BPNT1: variants seen among roughly 807,000 people sequenced by gnomAD.
The protein encoded by BPNT1 is 3'(2'), 5'-bisphosphate nucleotidase 1.
Under a neutral mutation model 36.9 loss-of-function variants are expected in BPNT1, and 28 were observed. The ratio of observed to expected loss-of-function variants is 0.76; its 90% CI spans 0.56 to 1.04. BPNT1 has a LOEUF of 1.04. Among genes scored for constraint, BPNT1 ranks in the 50% least tolerant of loss-of-function variants. BPNT1 has a pLI of 0.00. For missense variants in BPNT1, 313 were observed against 372.9 expected, an observed-to-expected ratio of 0.84 and a Z score of 1.32; for synonymous variants, 119 against 130.9, an observed-to-expected ratio of 0.91 and a Z score of 0.62.
rs558778433 is a variant in BPNT1, at chr1:220,086,512, G to A, written c.-9+3174C>T. Among the ~76,000 whole-genome samples the A allele has an allele frequency of 3.3e-5, 5 of 151,676 alleles. No homozygotes were observed. The East Asian group carries it at 7.8e-4, about 24-fold the overall frequency. ...TGGTCTCGAACACCTGACCTCAAGT[G>A]ATCCACCCTCCTCGGCCTCCCAAGG... On this transcript the variant is annotated intron_variant, in intron 1 of 8. Coordinates refer to ENST00000322067, the MANE Select transcript of BPNT1 (RefSeq NM_006085.6).
At chr1:220,076,094 C>T (rs573675196) in intron 2 of BPNT1, among the ~76,000 whole-genome samples, 5 of 152,198 alleles carry the variant, frequency 3.3e-5, no homozygotes, top group South Asian at 4.1e-4. Context: ...AGGGGCTGGG[C>T]GCAGTGGCTC....
intron 8 of BPNT1, 45 bp downstream of exon 8, chr1:220,059,641 T>C (rs932908613): frequency 7.3e-7 from 1 of 1,361,264 alleles, no homozygotes; most frequent in East Asian, 2.3e-5. Context: ...TAGCATGATA[T>C]AATTGTAGAA....
At chr1:220,067,237 A>G in intron 6 of BPNT1, 65 bp downstream of exon 6, 3 of 1,035,804 alleles carry the variant, frequency 2.9e-6, no homozygotes, top group Non-Finnish European at 4.0e-6. Flanking sequence ...TAGGTAACAT[A>G]AAGAATCAGA....
intron 4 of BPNT1, among the ~76,000 whole-genome samples, chr1:220,071,875 C>T (rs573528201): frequency 1.1e-4 from 16 of 151,442 alleles, no homozygotes; most frequent in Admixed American, 6.6e-4. Flanking sequence ...TTAGAAGAGA[C>T]GGGGATTCTC....
chr1:220,089,635 C>A (rs1167645045), intron 1 of BPNT1, 51 bp downstream of exon 1: 1 of 152,194 alleles, frequency 6.6e-6, no homozygotes. Flanking sequence ...TAACATAAAT[C>A]CTATCTACCT....
chr1:220,082,079 TATATATAGAGAGAGAGAG>T (rs1655190416), intron 1 of BPNT1, among the ~76,000 whole-genome samples: 1 of 110,542 alleles, frequency 9.0e-6, no homozygotes, highest in Admixed American at 9.8e-5. Context: ...TATATATATA[TATATATAGAGAGAGAGAG>T]AGAGAGAGAG....
chr1:220,059,685 C>G lies in BPNT1; in HGVS notation c.778+1G>C, dbSNP rs1377624258. ...AATTTCCTCAAATAAAACAGACTAACCTCCCACAGCATGTAAAATAACTTC... is the reference window on the plus strand; with the variant it reads ...AATTTCCTCAAATAAAACAGACTAAGCTCCCACAGCATGTAAAATAACTTC... On this transcript the variant is annotated splice_donor_variant, in intron 8 of 8. Transcript: ENST00000322067. LOFTEE classifies it high-confidence loss of function. The G allele has an allele frequency of 6.3e-7, 1 of 1,596,654 alleles. No individual in the cohort carries two copies. Among genetic ancestry groups the G allele is most frequent in the East Asian group, 2.2e-5 (1 of 44,504 alleles).
chr1:220,075,122 C>A (rs1251270727), intron 2 of BPNT1, among the ~76,000 whole-genome samples: 2 of 152,196 alleles, frequency 1.3e-5, no homozygotes, highest in Non-Finnish European at 2.9e-5. Flanking sequence ...CAGCTCACTG[C>A]AACCTTTGCC....
chr1:220,085,388 G>T (rs1039541844), intron 1 of BPNT1, among the ~76,000 whole-genome samples: 1 of 152,226 alleles, frequency 6.6e-6, no homozygotes, highest in African/African-American at 2.4e-5. Context: ...AGGCTCTGCA[G>T]CCCACTACCT....
chr1:220,069,660 A>G (rs1612813), intron 4 of BPNT1, among the ~76,000 whole-genome samples: 152,337 of 152,338 alleles, frequency 1, 76,168 homozygotes, highest in Middle Eastern at 1. Context: ...TTTCAGGCCA[A>G]GCACGGTGGC....
intron 2 of BPNT1, among the ~76,000 whole-genome samples, chr1:220,077,295 T>A (rs1272048864): frequency 6.6e-6 from 1 of 152,206 alleles, no homozygotes; most frequent in African/African-American, 2.4e-5. Context: ...AAAAATGTTT[T>A]GCTTAAATCA....
chr1:220,080,947 C>G (rs1193681588), intron 1 of BPNT1, among the ~76,000 whole-genome samples: 2 of 152,184 alleles, frequency 1.3e-5, no homozygotes, highest in Admixed American at 1.3e-4. Context: ...GAAAAAACAG[C>G]CTTTAGAATC....
chr1:220,072,079 G>C (rs1222122939), intron 4 of BPNT1, among the ~76,000 whole-genome samples: 2 of 151,410 alleles, frequency 1.3e-5, no homozygotes, highest in Non-Finnish European at 2.9e-5. Flanking sequence ...AGATGGTGCT[G>C]GGGCCAGGTA....
intron 1 of BPNT1, among the ~76,000 whole-genome samples, chr1:220,086,198 C>T (rs1655703422): frequency 6.6e-6 from 1 of 152,146 alleles, no homozygotes; most frequent in South Asian, 2.1e-4. Context: ...ACCGAACACA[C>T]TAAAGGTAGT....
At chr1:220,076,273 G>A (rs1174933722) in intron 2 of BPNT1, among the ~76,000 whole-genome samples, 7 of 151,838 alleles carry the variant, frequency 4.6e-5, no homozygotes, top group South Asian at 2.1e-4. Context: ...AGGCTGAGGT[G>A]GGCGGATGCC....
intron 5 of BPNT1, among the ~76,000 whole-genome samples, chr1:220,067,970 C>T (rs543555879): frequency 3.6e-4 from 55 of 152,148 alleles, no homozygotes; most frequent in Admixed American, 1.9e-3. Flanking sequence ...CCTTATTTCA[C>T]AATGGGTTCT....
chr1:220,062,496 G>A (rs1459393840), intron 7 of BPNT1, among the ~76,000 whole-genome samples: 3 of 151,984 alleles, frequency 2.0e-5, no homozygotes, highest in Non-Finnish European at 4.4e-5. Context: ...TGGCTGCATA[G>A]TATTCCATGG....
chr1:220,079,923 C>A, intron 1 of BPNT1, 69 bp from the exon 2 acceptor site: 1 of 1,461,270 alleles, frequency 6.8e-7, no homozygotes, highest in Non-Finnish European at 9.3e-7. Flanking sequence ...TATTTAAATC[C>A]AACTCAACAC....
At chr1:220,088,806 G>A (rs111924196) in intron 1 of BPNT1, among the ~76,000 whole-genome samples, 8,227 of 142,968 alleles carry the variant, frequency 0.058, 357 homozygotes, top group East Asian at 0.1. Flanking sequence ...AAAAAAAAAA[G>A]AAAGAAAGAA....
Sources: allele counts gnomAD v4.1 joint callset (sites outside exome capture counted in the v4.1 genomes callset), GRCh38; gene constraint gnomAD v4.1.1; transcripts MANE v1.5; gene names NCBI Gene and HGNC (gene_info 2026-07-23, HGNC 2026-07-21).